Variants in ZFAT observed in about 807,000 individuals in gnomAD.
The protein encoded by ZFAT is zinc finger and AT-hook domain containing, also known as zinc finger protein ZFAT.
Under a neutral mutation model 117.7 loss-of-function variants are expected in ZFAT, and 64 were observed. The ratio of observed to expected loss-of-function variants is 0.54; its 90% confidence interval spans 0.44 to 0.67. The LOEUF (loss-of-function observed/expected upper bound fraction) is 0.67, where lower values mean the gene tolerates loss of function less well. Ranked by LOEUF, ZFAT falls within the 30% of genes least tolerant of loss-of-function variation. The pLI is 0.00. For synonymous variants in ZFAT, 679 were observed against 615.0 expected, an observed-to-expected ratio of 1.10 and a Z score of -1.54; for missense variants, 1,433 against 1,584.5, an observed-to-expected ratio of 0.90 and a Z score of 1.62.
chr8:134,664,777 A>G (rs1388985659), intron 1 of ZFAT, among the ~76,000 whole-genome samples: 1 of 152,244 alleles, frequency 6.6e-6, no homozygotes, highest in East Asian at 1.9e-4. Flanking sequence ...AAATATTCTC[A>G]TAATTATGTT....
the ZFAT span, among the ~76,000 whole-genome samples, chr8:134,779,148 G>A: frequency 6.6e-6 from 1 of 152,216 alleles, no homozygotes; most frequent in Non-Finnish European, 1.5e-5. Flanking sequence ...TCAAATAGAT[G>A]TTCAACAGAT....
intron 15 of ZFAT, among the ~76,000 whole-genome samples, chr8:134,499,435 G>A (rs1818783728): frequency 6.7e-6 from 1 of 148,726 alleles, no homozygotes; most frequent in Admixed American, 6.7e-5. Flanking sequence ...GCGTGATTTG[G>A]TAGGGTTGGC....
At chr8:134,684,548 A>C (rs903756168) in intron 1 of ZFAT, among the ~76,000 whole-genome samples, 1 of 152,132 alleles carries the variant, frequency 6.6e-6, no homozygotes, top group Non-Finnish European at 1.5e-5. Flanking sequence ...CTCTAGACAC[A>C]GCTGCTGGGT....
intron 3 of ZFAT, among the ~76,000 whole-genome samples, chr8:134,635,119 A>G (rs1830127454): frequency 6.6e-6 from 1 of 152,118 alleles, no homozygotes; most frequent in African/African-American, 2.4e-5. Flanking sequence ...CTGGTTCCTA[A>G]CAGGCCACAG....
At chr8:134,783,078 T>C in the ZFAT span, among the ~76,000 whole-genome samples, 6 of 152,174 alleles carry the variant, frequency 3.9e-5, no homozygotes, top group East Asian at 1.2e-3. Flanking sequence ...GTAATTGTTT[T>C]GTTTTTAAGT....
At position 134,549,847 on chromosome 8, in the gene ZFAT, T is replaced by C. The variant is rs140371551; in HGVS notation, c.2976+15486A>G. 1.2e-3 allele frequency among the ~76,000 whole-genome samples: 183 copies of C among 151,744 alleles called. 2 individuals carry two copies. The highest frequency in any genetic ancestry group is 6.3e-3 in the South Asian group (30 of 4,732). ...AACACACCAGACCCCCGTGACCCAC[T>C]GACAGTCACAGGAGACAAACAAGGG... On this transcript the variant is annotated intron_variant, in intron 11 of 15. Coordinates refer to ENST00000377838, the MANE Select transcript of ZFAT (RefSeq NM_020863.4).
At chr8:134,742,419 C>G in the ZFAT span, among the ~76,000 whole-genome samples, 2 of 152,204 alleles carry the variant, frequency 1.3e-5, no homozygotes, top group Admixed American at 1.3e-4. Flanking sequence ...ATCCCCTCCT[C>G]TCTCCCATCT....
intron 11 of ZFAT, among the ~76,000 whole-genome samples, chr8:134,560,074 G>T (rs573527543): frequency 2.6e-5 from 4 of 152,174 alleles, no homozygotes; most frequent in Non-Finnish European, 5.9e-5. Flanking sequence ...TTCCTAGAAT[G>T]AATGGGCCAT....
intron 11 of ZFAT, among the ~76,000 whole-genome samples, chr8:134,543,123 C>A (rs1444046622): frequency 6.8e-6 from 1 of 146,396 alleles, no homozygotes; most frequent in Non-Finnish European, 1.5e-5. Flanking sequence ...GCAGTTACTG[C>A]ACAGAAGAGA....
At position 134,610,077 on chromosome 8, in the gene ZFAT, C is replaced by A. The variant is rs1273559525; in HGVS notation, c.634+393G>T. ...GCATGGGTTTTGGAGCAGCAGCCTG[C>A]ATGCGTCTGGCTGAATGGGCTGGCC... On this transcript the variant is annotated intron_variant, in intron 4 of 15. Coordinates refer to ENST00000377838, the MANE Select transcript of ZFAT (RefSeq NM_020863.4). 5.3e-5 allele frequency among the ~76,000 whole-genome samples: 8 copies of A among 152,312 alleles called. No homozygotes were observed. The East Asian group carries it at 1.5e-3, about 29-fold the overall frequency.
chr8:134,644,422 G>A (rs68013747), intron 2 of ZFAT, among the ~76,000 whole-genome samples: 43,564 of 151,792 alleles, frequency 0.29, 6,923 homozygotes, highest in South Asian at 0.53. Flanking sequence ...GAATGCATGC[G>A]TGTGCACACA....
chr8:134,626,656 T>G (rs1829535355), intron 3 of ZFAT, among the ~76,000 whole-genome samples: 1 of 152,242 alleles, frequency 6.6e-6, no homozygotes. Flanking sequence ...AGTTTGGAAG[T>G]GTGTAAACAC....
chr8:134,827,060 C>T, the ZFAT span, among the ~76,000 whole-genome samples: 1 of 151,386 alleles, frequency 6.6e-6, no homozygotes, highest in South Asian at 2.1e-4. Flanking sequence ...TTAGGGGTGT[C>T]CGGAGAGGGA....
intron 12 of ZFAT, among the ~76,000 whole-genome samples, chr8:134,524,616 C>A (rs1820893000): frequency 6.6e-6 from 1 of 152,114 alleles, no homozygotes; most frequent in African/African-American, 2.4e-5. Context: ...TGGGTAGAGG[C>A]CAGGGATGCT....
At chr8:134,527,870 G>A (rs1023114004) in intron 12 of ZFAT, among the ~76,000 whole-genome samples, 2 of 151,916 alleles carry the variant, frequency 1.3e-5, no homozygotes, top group Non-Finnish European at 2.9e-5. Context: ...CCTCACATAC[G>A]CCCCCAAATC....
At chr8:134,480,708 G>A (rs1032859601) in intron 15 of ZFAT, among the ~76,000 whole-genome samples, 1 of 152,132 alleles carries the variant, frequency 6.6e-6, no homozygotes, top group South Asian at 2.1e-4. Flanking sequence ...AAGTGTGTTC[G>A]GGCAGCCTCC....
upstream of ZFAT, among the ~76,000 whole-genome samples, chr8:134,715,863 T>A (rs946636134): frequency 1.3e-5 from 2 of 152,198 alleles, no homozygotes; most frequent in African/African-American, 4.8e-5. Flanking sequence ...AATATCTTTA[T>A]GAGAAATAGA....
chr8:134,712,746 G>GGCGGCCC, intron 1 of ZFAT, 99 bp downstream of exon 1: 1 of 1,219,248 alleles, frequency 8.2e-7, no homozygotes, highest in Non-Finnish European at 1.1e-6. Context: ...GCCGGCGGCC[G>GGCGGCCC]GCGCACTGCT....
At chr8:134,737,454 C>T in the ZFAT span, among the ~76,000 whole-genome samples, 4 of 152,184 alleles carry the variant, frequency 2.6e-5, no homozygotes, top group African/African-American at 9.7e-5. Context: ...TGCTGTTGCT[C>T]TTCAAACTTA....
Sources: gnomAD v4.1 joint callset for allele counts (sites outside exome capture counted in the v4.1 genomes callset) on GRCh38, gnomAD v4.1.1 for gene constraint, MANE v1.5 for transcripts, NCBI Gene and HGNC (gene_info 2026-07-23, HGNC 2026-07-21) for gene names.